BBS2: variants seen among roughly 807,000 people sequenced by gnomAD.
BBS2 encodes the protein Bardet-Biedl syndrome 2.
Under a neutral mutation model 83.0 loss-of-function variants are expected in BBS2, and 62 were observed. That is an observed-to-expected ratio of 0.75 (90% CI 0.61 to 0.92). The LOEUF is 0.92. Ranked by LOEUF, BBS2 falls within the 40% of genes least tolerant of loss-of-function variation. The pLI is 0.00. For missense variants in BBS2, 784 were observed against 901.0 expected (o/e 0.87, Z 1.66); for synonymous variants, 303 against 326.1 (o/e 0.93, Z 0.76).
intron 1 of BBS2, among the ~76,000 whole-genome samples, chr16:56,519,058 C>T (rs1964835961): frequency 6.6e-6 from 1 of 152,138 alleles, no homozygotes; most frequent in South Asian, 2.1e-4. Context: ...AGGCTGGGTG[C>T]AGTGGCTCAC....
chr16:56,478,230 C>T (rs1397132272), intron 17 of BBS2: 1 of 152,110 alleles, frequency 6.6e-6, no homozygotes, highest in Non-Finnish European at 1.5e-5. Flanking sequence ...ATGATATCGG[C>T]TCACTGTGAC....
chr16:56,503,686 G>A (rs900243318), intron 7 of BBS2, among the ~76,000 whole-genome samples: 9 of 152,190 alleles, frequency 5.9e-5, no homozygotes, highest in Admixed American at 2.0e-4. Flanking sequence ...TTGTGAGGCC[G>A]AGGCAGGCGG....
rs191207351 is a variant in BBS2, at chr16:56,509,915, A to G, written c.612+42T>C. 9.5e-3 allele frequency: 15,222 copies of G among 1,595,852 alleles called. 99 individuals are homozygous for G. The highest frequency in any genetic ancestry group is 0.012 in the Non-Finnish European group (13,652 of 1,163,838). ...ATGTTTCATCTGACAGTACTGATCT[A>G]TCTTGCTCAAGGTTACCATAGTTCG... On this transcript the variant is annotated intron_variant, in intron 5 of 16. Coordinates refer to ENST00000245157, the MANE Select transcript of BBS2 (RefSeq NM_031885.5).
intron 4 of BBS2, 22 bp from the exon 5 acceptor site, chr16:56,510,056 T>C (rs757879913): frequency 1.4e-5 from 23 of 1,611,026 alleles, no homozygotes; most frequent in Non-Finnish European, 7.6e-6. Flanking sequence ...ATATCATACA[T>C]GTTCAGGTGA....
downstream of BBS2, chr16:56,484,274 A>T (rs879301192): frequency 6.1e-6 from 1 of 164,366 alleles, no homozygotes; most frequent in Non-Finnish European, 1.3e-5. Flanking sequence ...CCAAAGTGCT[A>T]GATTACAGGC....
chr16:56,489,906 T>G (rs1963890304), intron 15 of BBS2, among the ~76,000 whole-genome samples: 1 of 151,704 alleles, frequency 6.6e-6, no homozygotes, highest in Non-Finnish European at 1.5e-5. Flanking sequence ...GGCAGATCGC[T>G]TGAGCCCAGG....
chr16:56,472,357 T>C (rs1474397191), intron 17 of BBS2, among the ~76,000 whole-genome samples: 3 of 152,210 alleles, frequency 2.0e-5, no homozygotes, highest in Non-Finnish European at 4.4e-5. Flanking sequence ...AGCCAAAAGA[T>C]GCTTTATTCC....
chr16:56,488,726 G>A (rs1352030259), intron 15 of BBS2, among the ~76,000 whole-genome samples: 2 of 151,694 alleles, frequency 1.3e-5, no homozygotes, highest in African/African-American at 4.8e-5. Flanking sequence ...CCACTCCCTG[G>A]AGGTTGGGAG....
chr16:56,517,926 TC>T lies in BBS2; in HGVS notation c.117+1819del, dbSNP rs141741882. On this transcript the variant is annotated intron_variant, in intron 1 of 16. Transcript: ENST00000245157. ...CCTCCACCTCCTAGGTTCAGGTGAT[TC>T]TCCTGCCTCAACCTCCCGAGTAGCT... Among the ~76,000 whole-genome samples the T allele has an allele frequency of 3.1e-3, 467 of 152,120 alleles. 13 individuals are homozygous for T. In the South Asian group the frequency reaches 0.056, roughly 18 times the overall value.
intron 2 of BBS2, 132 bp downstream of exon 2, chr16:56,514,321 T>C: frequency 1.2e-6 from 1 of 832,912 alleles, no homozygotes; most frequent in South Asian, 1.6e-5. Context: ...CAGCAAAATC[T>C]CCATGTTGTT....
exon 18 of BBS2, chr16:56,470,597 A>G (rs1963120093): frequency 6.2e-7 from 1 of 1,614,088 alleles, no homozygotes; most frequent in South Asian, 1.1e-5. Context: ...ACAGGCCTGA[A>G]GCTTCATTTC....
intron 7 of BBS2, 64 bp downstream of exon 7, chr16:56,505,886 C>CA (rs1292114405): frequency 2.4e-6 from 3 of 1,258,362 alleles, no homozygotes; most frequent in African/African-American, 1.5e-5. Context: ...CTAAGTCCTA[C>CA]AGCCAATACA....
intron 15 of BBS2, among the ~76,000 whole-genome samples, chr16:56,492,770 A>T (rs1963994214): frequency 6.6e-6 from 1 of 152,220 alleles, no homozygotes; most frequent in Non-Finnish European, 1.5e-5. Context: ...AATCTCATAC[A>T]TTGCTTATGG....
At chr16:56,513,266 A>C (rs1053482983) in intron 2 of BBS2, among the ~76,000 whole-genome samples, 4 of 152,284 alleles carry the variant, frequency 2.6e-5, no homozygotes, top group Non-Finnish European at 4.4e-5. Context: ...ACTGTAATAC[A>C]GAAACAATGG....
At chr16:56,516,688 C>T (rs1964760687) in intron 1 of BBS2, among the ~76,000 whole-genome samples, 1 of 152,072 alleles carries the variant, frequency 6.6e-6, no homozygotes, top group African/African-American at 2.4e-5. Context: ...GCCACCATGC[C>T]CGGCCAGAGA....
chr16:56,497,031 C>G lies in BBS2; in HGVS notation c.1846G>C (p.Asp616His). 6.2e-7 allele frequency: 1 copy of G among 1,614,116 alleles called. No individual in the cohort carries two copies. Among genetic ancestry groups the G allele is most frequent in the Non-Finnish European group, 8.5e-7 (1 of 1,179,968 alleles). ...AAACTTCGGATCAAATTAGAATGAT[C>G]AGCCATATCAGCACTGAGCTTCTGA... The part of the protein sequence containing the change: ...VHQKLSADMA[D>H]HSNLIRSLLV... Residue 616 changes from aspartate to histidine, a missense_variant, in exon 15 of 17, where the codon GAT becomes CAT. Transcript: ENST00000245157.
chr16:56,491,141 A>G (rs1455354349), intron 15 of BBS2, among the ~76,000 whole-genome samples: 1 of 152,126 alleles, frequency 6.6e-6, no homozygotes, highest in Non-Finnish European at 1.5e-5. Context: ...TGCAACTCAT[A>G]TCACACGTAA....
At chr16:56,517,184 A>C (rs1048494523) in intron 1 of BBS2, among the ~76,000 whole-genome samples, 17 of 152,176 alleles carry the variant, frequency 1.1e-4, no homozygotes, top group Non-Finnish European at 1.9e-4. Flanking sequence ...CATACCAGCC[A>C]GTTAGCCTTT....
intron 1 of BBS2, among the ~76,000 whole-genome samples, chr16:56,518,219 T>G (rs536198835): frequency 6.6e-6 from 1 of 152,312 alleles, no homozygotes; most frequent in African/African-American, 2.4e-5. Flanking sequence ...TGAAGCCTTA[T>G]TTTTTACTTC....
Sources: allele counts gnomAD v4.1 joint callset (sites outside exome capture counted in the v4.1 genomes callset), GRCh38; gene constraint gnomAD v4.1.1; transcripts MANE v1.5; gene names NCBI Gene and HGNC (gene_info 2026-07-23, HGNC 2026-07-21).